Variants in SDF4 observed in about 807,000 individuals in gnomAD.
The protein encoded by SDF4 is stromal cell derived factor 4, also known as 45 kDa calcium-binding protein.
SDF4 carries 22 observed loss-of-function variants against 34.2 expected under a neutral mutation model. That is an observed-to-expected ratio of 0.64 (90% confidence interval 0.46 to 0.92). The LOEUF is 0.92. SDF4 is among the 40% of genes least tolerant of loss of function. The probability of loss-of-function intolerance (pLI) is 0.00; values close to 1 mark genes in which losing one functional copy is unlikely to be tolerated. For missense variants in SDF4, 447 were observed against 499.9 expected (o/e 0.89, Z 1.01); for synonymous variants, 236 against 203.1 (o/e 1.16, Z -1.38).
At chr1:1,223,399 G>A in intron 3 of SDF4, 42 bp from the exon 4 acceptor site, 2 of 1,363,540 alleles carry the variant, frequency 1.5e-6, no homozygotes, top group Non-Finnish European at 2.1e-6. Flanking sequence ...CTGATACTGA[G>A]CTGAACTTCC....
At position 1,218,037 on chromosome 1, in the gene SDF4, A is replaced by G. The variant is rs1462639884; in HGVS notation, c.892-349T>C. 1.3e-5 allele frequency among the ~76,000 whole-genome samples: 2 copies of G among 152,190 alleles called. No homozygotes were observed. Among genetic ancestry groups the G allele is most frequent in the Non-Finnish European group, 2.9e-5 (2 of 68,018 alleles). ...CTCACTCAGCAGTGGGAGAAAAACA[A>G]GCCTACACATGATACCAGTGAAAAC... is the stretch of plus-strand genomic sequence containing the variant. On this transcript the variant is annotated intron_variant, in intron 6 of 6. Transcript: ENST00000360001. The surrounding 1 kb of genome is among the most constrained non-coding windows in gnomAD (Gnocchi z 7.9).
intron 2 of SDF4, among the ~76,000 whole-genome samples, chr1:1,224,759 C>A (rs907911350): frequency 6.6e-6 from 1 of 152,118 alleles, no homozygotes; most frequent in Non-Finnish European, 1.5e-5. Context: ...AAAACAATTA[C>A]GAAAATTCGC....
chr1:1,226,553 G>A (rs1378651764), intron 2 of SDF4, among the ~76,000 whole-genome samples: 2 of 152,252 alleles, frequency 1.3e-5, no homozygotes, highest in African/African-American at 4.8e-5. Flanking sequence ...AGACAGGACA[G>A]CTGAGTGAAC....
At chr1:1,219,184 A>T in intron 4 of SDF4, 1 of 1,303,888 alleles carries the variant, frequency 7.7e-7, no homozygotes, top group Non-Finnish European at 9.8e-7. Context: ...CACAGCCCGG[A>T]CTCCCCAAGA....
At chr1:1,223,496 AC>A in intron 3 of SDF4, 139 bp from the exon 4 acceptor site, 1 of 686,016 alleles carries the variant, frequency 1.5e-6, no homozygotes, top group Non-Finnish European at 2.4e-6. Flanking sequence ...CCCGGCCAGC[AC>A]CCCACACCCG....
In SDF4 at chr1:1,218,955, G is replaced by A. The variant is rs763420670; in HGVS notation, c.557-28C>T. Reference sequence around the variant, plus strand: ...GAGAGGGGCGCAGCCTGTGGGTATCGAGGCCGACAGACGCCAGCACGCAAA... The same window carrying A: ...GAGAGGGGCGCAGCCTGTGGGTATCAAGGCCGACAGACGCCAGCACGCAAA... On this transcript the variant is annotated intron_variant, in intron 4 of 6. Coordinates refer to ENST00000360001, the MANE Select transcript of SDF4 (RefSeq NM_016176.6). This position sits in a 1 kb window ranked among gnomAD's most constrained non-coding sequence, Gnocchi z 7.9. 1.3e-4 allele frequency: 216 copies of A among 1,611,972 alleles called. No homozygotes were observed. The highest frequency in any genetic ancestry group is 1.9e-4 in the African/African-American group (14 of 74,882).
intron 4 of SDF4, chr1:1,219,814 G>GT (rs1182257978): frequency 3.0e-6 from 3 of 985,718 alleles, no homozygotes; most frequent in Non-Finnish European, 3.6e-6. Context: ...CCCCCTGCAC[G>GT]TGAGGCCCGA....
At chr1:1,219,393 T>A in intron 4 of SDF4, 1 of 1,027,540 alleles carries the variant, frequency 9.7e-7, no homozygotes, top group Non-Finnish European at 1.2e-6. Context: ...CCCCTCAGGA[T>A]GGGCCTGGGC....
chr1:1,225,927 C>CG (rs1176561031), intron 2 of SDF4, among the ~76,000 whole-genome samples: 3 of 152,380 alleles, frequency 2.0e-5, no homozygotes, highest in Admixed American at 6.5e-5. Flanking sequence ...GGCTGCAGGG[C>CG]GGTGCACGTA....
intron 2 of SDF4, 26 bp downstream of exon 2, chr1:1,228,442 C>T (rs778745803): frequency 6.3e-6 from 10 of 1,577,132 alleles, no homozygotes; most frequent in Non-Finnish European, 8.6e-6. Flanking sequence ...GACAGCCCCC[C>T]AGTCTGGGCA....
intron 1 of SDF4, among the ~76,000 whole-genome samples, chr1:1,230,091 T>C (rs77819818): frequency 0.11 from 17,450 of 152,268 alleles, 1,146 homozygotes; most frequent in East Asian, 0.17. Context: ...GGGGTCCTTC[T>C]CACCCACGAG....
chr1:1,219,431 T>A, intron 4 of SDF4: 1 of 1,012,422 alleles, frequency 9.9e-7, no homozygotes. Context: ...CGCCTGCCCC[T>A]CTGGAGGAGC....
chr1:1,225,288 G>A (rs1014115052), intron 2 of SDF4, among the ~76,000 whole-genome samples: 1 of 152,212 alleles, frequency 6.6e-6, no homozygotes, highest in African/African-American at 2.4e-5. Flanking sequence ...GTTTGCCGGA[G>A]GCATCCCCGA....
At chr1:1,229,679 T>C (rs1638432579) in intron 1 of SDF4, among the ~76,000 whole-genome samples, 1 of 152,140 alleles carries the variant, frequency 6.6e-6, no homozygotes, top group African/African-American at 2.4e-5. Flanking sequence ...CACTGACCCA[T>C]GGGGTTAGGG....
intron 1 of SDF4, among the ~76,000 whole-genome samples, 152 bp from the exon 2 acceptor site, chr1:1,229,098 ACCACACGTGGCATTGTTTTCTCCGGG>A (rs1248646843): frequency 2.8e-5 from 4 of 141,568 alleles, no homozygotes; most frequent in Admixed American, 7.0e-5. Flanking sequence ...CCTTCTCCAG[ACCACACGTGGCATTGTTTTCTCCGGG>A]CCACACGTGG....
chr1:1,227,961 C>T (rs556816180), intron 2 of SDF4, among the ~76,000 whole-genome samples: 1 of 152,348 alleles, frequency 6.6e-6, no homozygotes, highest in Non-Finnish European at 1.5e-5. Flanking sequence ...CACACACCCC[C>T]AGCCTGCGTG....
At chr1:1,230,707 C>T (rs1025667410) in intron 1 of SDF4, among the ~76,000 whole-genome samples, 4 of 152,230 alleles carry the variant, frequency 2.6e-5, no homozygotes, top group Non-Finnish European at 5.9e-5. Context: ...GATCCTCCTG[C>T]CTCGGCCTCC....
At chr1:1,224,525 C>T (rs1206092383) in intron 2 of SDF4, among the ~76,000 whole-genome samples, 1 of 152,198 alleles carries the variant, frequency 6.6e-6, no homozygotes, top group African/African-American at 2.4e-5. Flanking sequence ...AATGATCCAC[C>T]CACCTCAGCC....
chr1:1,218,898 G>T lies in SDF4; in HGVS notation c.586C>A (p.Arg196Ser). ...TQEVLENLKD[R>S]WYQADSPPAD... ...GGGGGGCTGTCCGCCTGGTACCAGCGGTCCTTCAGGTTCTCCAGGACTTCC... is the reference window on the plus strand; with the variant it reads ...GGGGGGCTGTCCGCCTGGTACCAGCTGTCCTTCAGGTTCTCCAGGACTTCC... Residue 196 changes from arginine (R) to serine (S), a missense_variant, in exon 5 of 7, where the codon CGC becomes AGC. Physicochemically the swap from Arg to Ser is moderately radical, Grantham distance 110. Coordinates refer to ENST00000360001, the MANE Select transcript of SDF4 (RefSeq NM_016176.6). This position sits in a 1 kb window ranked among gnomAD's most constrained non-coding sequence, Gnocchi z 7.9. The T allele has an allele frequency of 3.7e-6, 6 of 1,600,018 alleles. No individual in the cohort carries two copies. The highest frequency in any genetic ancestry group is 3.3e-4 in the Middle Eastern group (2 of 6,020).
Sources: gnomAD v4.1 joint callset for allele counts (sites outside exome capture counted in the v4.1 genomes callset) on GRCh38, gnomAD v4.1.1 for gene constraint, Gnocchi (gnomAD v3.1) non-coding constraint, MANE v1.5 for transcripts, NCBI Gene and HGNC (gene_info 2026-07-23, HGNC 2026-07-21) for gene names.